MYRIP: variants seen among roughly 807,000 people sequenced by gnomAD.
MYRIP encodes the protein myosin VIIA and Rab interacting protein.
Under a neutral mutation model 98.0 loss-of-function variants are expected in MYRIP, and 49 were observed. The ratio of observed to expected loss-of-function variants is 0.50; its 90% CI spans 0.40 to 0.63. MYRIP has a LOEUF of 0.63. Ranked by LOEUF, MYRIP falls within the 30% of genes least tolerant of loss-of-function variation. The pLI is 0.00. For missense variants in MYRIP, 1,004 were observed against 1,058.2 expected (o/e 0.95, Z 0.71); for synonymous variants, 404 against 409.5 (o/e 0.99, Z 0.16).
chr3:40,165,073 T>C (rs1950475290), intron 5 of MYRIP, among the ~76,000 whole-genome samples: 1 of 152,046 alleles, frequency 6.6e-6, no homozygotes, highest in African/African-American at 2.4e-5. Flanking sequence ...AATACATCGG[T>C]GGCTATCTTG....
rs572916621 is a variant in MYRIP at position 40,221,302 on chromosome 3, TTAAA to T, written c.1905+11211_1905+11214del. On this transcript the variant is annotated intron_variant, in intron 11 of 16. Coordinates refer to ENST00000302541, the MANE Select transcript of MYRIP (RefSeq NM_015460.4). Reference sequence around the variant, plus strand: ...TTTGCTCAATCAGTAAAAATGCAAATTAAATTAATGAGATGCCACTTTTGCCTAA... The same window carrying T: ...TTTGCTCAATCAGTAAAAATGCAAATTTAATGAGATGCCACTTTTGCCTAA... Among the ~76,000 whole-genome samples, 351 of 152,192 alleles carry T rather than the reference TTAAA, an allele frequency of 2.3e-3. 1 individual carries two copies. Among genetic ancestry groups the T allele is most frequent in the African/African-American group, 7.9e-3 (328 of 41,544 alleles).
In MYRIP at chr3:40,227,196, T is replaced by C. The variant is rs562296692; in HGVS notation, c.1906-6663T>C. ...AGTGCCTTGGCATAGAGTGGATGCT[T>C]CCAGAAGGAATTAAATTAGTGATGG... is the stretch of plus-strand genomic sequence containing the variant. On this transcript the variant is annotated intron_variant, in intron 11 of 16. Transcript: ENST00000302541. Among the ~76,000 whole-genome samples, 4 of 152,296 alleles carry C rather than the reference T, an allele frequency of 2.6e-5. No homozygotes were observed. The South Asian group carries it at 6.2e-4, about 24-fold the overall frequency.
At chr3:40,014,101 A>AT (rs1463654302) in intron 2 of MYRIP, among the ~76,000 whole-genome samples, 1 of 152,150 alleles carries the variant, frequency 6.6e-6, no homozygotes, top group Non-Finnish European at 1.5e-5. Context: ...ATAAGGAGGC[A>AT]TTTTTTTGGG....
At chr3:40,258,059 T>TAAAC in intron 16 of MYRIP, 75 bp from the exon 17 acceptor site, 11 of 1,504,820 alleles carry the variant, frequency 7.3e-6, no homozygotes, top group South Asian at 1.1e-5. Context: ...TAAAAAGCAG[T>TAAAC]AAACATTATT....
chr3:40,149,719 A>G (rs1245535110), intron 3 of MYRIP, among the ~76,000 whole-genome samples: 1 of 152,190 alleles, frequency 6.6e-6, no homozygotes, highest in Non-Finnish European at 1.5e-5. Context: ...TGGGCCTTCC[A>G]GTTAGAGTCC....
At chr3:39,813,043 C>T (rs1447115372) in intron 1 of MYRIP, among the ~76,000 whole-genome samples, 2 of 152,092 alleles carry the variant, frequency 1.3e-5, no homozygotes, top group Non-Finnish European at 2.9e-5. Context: ...GGTGGTGTGT[C>T]CTTGTGATTT....
intron 3 of MYRIP, among the ~76,000 whole-genome samples, chr3:40,066,044 G>A (rs1948120217): frequency 5.3e-5 from 8 of 152,158 alleles, no homozygotes; most frequent in Non-Finnish European, 1.5e-5. Context: ...TTGCTGTGAC[G>A]AAGAAGGACC....
chr3:40,087,700 T>C (rs1373252841), intron 3 of MYRIP, among the ~76,000 whole-genome samples: 1 of 152,192 alleles, frequency 6.6e-6, no homozygotes, highest in Non-Finnish European at 1.5e-5. Context: ...CAACATGTCA[T>C]CACTGAATAC....
chr3:40,178,265 C>T (rs1409875149), intron 8 of MYRIP, among the ~76,000 whole-genome samples: 2 of 152,230 alleles, frequency 1.3e-5, no homozygotes, highest in East Asian at 3.8e-4. Context: ...AAGTAGAACA[C>T]ATTGCTGCTG....
intron 2 of MYRIP, among the ~76,000 whole-genome samples, chr3:40,027,931 T>G (rs1357762207): frequency 6.6e-6 from 1 of 151,982 alleles, no homozygotes; most frequent in African/African-American, 2.4e-5. Flanking sequence ...ACATCTTCAC[T>G]TACAGGAATG....
intron 2 of MYRIP, among the ~76,000 whole-genome samples, chr3:39,905,356 T>C (rs1345373498): frequency 6.6e-6 from 1 of 152,230 alleles, no homozygotes; most frequent in African/African-American, 2.4e-5. Context: ...TATATCAGTA[T>C]TAGACATTCT....
chr3:40,064,328 C>T (rs1401091828), intron 3 of MYRIP, among the ~76,000 whole-genome samples: 1 of 151,758 alleles, frequency 6.6e-6, no homozygotes, highest in Non-Finnish European at 1.5e-5. Context: ...TTATATTCCT[C>T]TAAGGGGGCA....
intron 2 of MYRIP, among the ~76,000 whole-genome samples, chr3:39,954,600 C>T (rs1945108933): frequency 6.6e-6 from 1 of 152,148 alleles, no homozygotes; most frequent in Non-Finnish European, 1.5e-5. Context: ...TTCTAAAAAT[C>T]AGAGCACCTC....
At chr3:40,028,046 G>A (rs1438935609) in intron 2 of MYRIP, among the ~76,000 whole-genome samples, 2 of 152,112 alleles carry the variant, frequency 1.3e-5, no homozygotes, top group African/African-American at 4.8e-5. Flanking sequence ...TTGAAGGATA[G>A]CAAACAAGTG....
intron 1 of MYRIP, among the ~76,000 whole-genome samples, chr3:39,837,473 A>G (rs1187664877): frequency 6.6e-6 from 1 of 152,174 alleles, no homozygotes; most frequent in African/African-American, 2.4e-5. Context: ...TAAATAGGGA[A>G]TCCTTTCCCC....
chr3:40,014,688 G>T (rs1184065059), intron 2 of MYRIP, among the ~76,000 whole-genome samples: 1 of 152,166 alleles, frequency 6.6e-6, no homozygotes, highest in Admixed American at 6.5e-5. Flanking sequence ...TCTCTGGAAA[G>T]GTCTTACATG....
chr3:40,209,801 C>T lies in MYRIP; in HGVS notation c.1666-53C>T, dbSNP rs1430784546. 3 of 1,604,792 alleles carry T rather than the reference C, an allele frequency of 1.9e-6. No homozygotes were observed. In the African/African-American group the frequency reaches 4.0e-5, roughly 22 times the overall value. Reference sequence around the variant, plus strand: ...CTCAGGGGTTATTGGGAACAAGAAGCAACATGGCTGTAGCAGAGGGCTCCT... The same window carrying T: ...CTCAGGGGTTATTGGGAACAAGAAGTAACATGGCTGTAGCAGAGGGCTCCT... On this transcript the variant is annotated intron_variant, in intron 10 of 16. Coordinates refer to ENST00000302541, the MANE Select transcript of MYRIP (RefSeq NM_015460.4).
chr3:40,144,155 G>C (rs987727412), intron 3 of MYRIP, among the ~76,000 whole-genome samples: 1 of 152,150 alleles, frequency 6.6e-6, no homozygotes, highest in Admixed American at 6.5e-5. Flanking sequence ...TCATATAATG[G>C]TAAAGTCCAG....
chr3:40,051,185 A>C (rs1947787576), intron 3 of MYRIP, among the ~76,000 whole-genome samples: 1 of 152,080 alleles, frequency 6.6e-6, no homozygotes. Context: ...GCTACAGAGA[A>C]CTCTTTCATG....
Sources: allele counts gnomAD v4.1 joint callset (sites outside exome capture counted in the v4.1 genomes callset), GRCh38; gene constraint gnomAD v4.1.1; transcripts MANE v1.5; gene names NCBI Gene and HGNC (gene_info 2026-07-23, HGNC 2026-07-21).